The following IRAK1BP1 variants were observed in gnomAD, a reference collection of about 807,000 sequenced individuals.
The protein encoded by IRAK1BP1 is interleukin 1 receptor associated kinase 1 binding protein 1.
IRAK1BP1 carries 24 observed loss-of-function variants against 28.0 expected under a neutral mutation model. The ratio of observed to expected loss-of-function variants is 0.86; its 90% CI spans 0.62 to 1.20. The LOEUF is 1.20. Ranked by LOEUF, IRAK1BP1 falls within the 50% of genes most tolerant of loss-of-function variation. The pLI is 0.00. For missense variants in IRAK1BP1, 336 were observed against 316.7 expected (o/e 1.06, Z -0.46); for synonymous variants, 131 against 116.3 (o/e 1.13, Z -0.81).
chr6:78,955,412 A>T, the IRAK1BP1 span: 1 of 665,788 alleles, frequency 1.5e-6, no homozygotes, highest in Non-Finnish European at 2.4e-6. Flanking sequence ...CACTTTATTG[A>T]CTCATTAAAA....
At chr6:78,888,515 C>G (rs1401965929) in intron 2 of IRAK1BP1, among the ~76,000 whole-genome samples, 1 of 138,050 alleles carries the variant, frequency 7.2e-6, no homozygotes, top group Admixed American at 7.8e-5. Context: ...CTCAGTACAG[C>G]TCCAATTTTT....
chr6:78,894,137 G>A (rs1201915368), intron 2 of IRAK1BP1, among the ~76,000 whole-genome samples: 1 of 151,726 alleles, frequency 6.6e-6, no homozygotes, highest in Non-Finnish European at 1.5e-5. Context: ...ATGGAGTTAC[G>A]GCTAATAAGT....
intron 2 of IRAK1BP1, among the ~76,000 whole-genome samples, chr6:78,897,374 C>A (rs958864408): frequency 2.6e-5 from 4 of 151,050 alleles, no homozygotes; most frequent in Middle Eastern, 3.5e-3. Flanking sequence ...AGGCAGAAGA[C>A]AGAGTGAAAT....
chr6:78,932,458 G>A (rs148735508), intron 4 of IRAK1BP1, among the ~76,000 whole-genome samples: 5 of 90,062 alleles, frequency 5.6e-5, no homozygotes, highest in Middle Eastern at 0.01. Flanking sequence ...TTTCGCTGTT[G>A]TTGCCCAGGC....
chr6:78,948,829 AT>A (rs1265566101), downstream of IRAK1BP1, among the ~76,000 whole-genome samples: 1 of 152,042 alleles, frequency 6.6e-6, no homozygotes, highest in Non-Finnish European at 1.5e-5. Flanking sequence ...ATGCGACTAT[AT>A]TTTTTGAAGT....
At chr6:78,885,323 A>G in intron 1 of IRAK1BP1, 55 bp from the exon 2 acceptor site, 2 of 949,450 alleles carry the variant, frequency 2.1e-6, no homozygotes, top group Non-Finnish European at 3.3e-6. Flanking sequence ...TTTATGTTTT[A>G]GAGTAATTGC....
downstream of IRAK1BP1, among the ~76,000 whole-genome samples, chr6:78,947,951 T>TC (rs11370597): frequency 0.33 from 49,684 of 150,740 alleles, 9,496 homozygotes; most frequent in East Asian, 0.69. Flanking sequence ...TATTTCATAC[T>TC]CCCCCCCCTT....
At chr6:78,970,846 C>T in the IRAK1BP1 span, 1 of 1,611,018 alleles carries the variant, frequency 6.2e-7, no homozygotes, top group East Asian at 2.2e-5. Context: ...TTTTTCCGGG[C>T]CATTTCGACA....
chr6:78,891,678 T>C (rs540876750), intron 2 of IRAK1BP1, among the ~76,000 whole-genome samples: 1 of 152,158 alleles, frequency 6.6e-6, no homozygotes, highest in Non-Finnish European at 1.5e-5. Context: ...GCCGGGCTGG[T>C]CTCGAACTCC....
At chr6:78,979,082 A>G in the IRAK1BP1 span, among the ~76,000 whole-genome samples, 2 of 151,934 alleles carry the variant, frequency 1.3e-5, no homozygotes, top group Non-Finnish European at 2.9e-5. Flanking sequence ...CAAATACTAT[A>G]TGCCATTTTT....
chr6:78,917,632 T>TAAAAAAAA (rs35313944), intron 4 of IRAK1BP1, among the ~76,000 whole-genome samples: 21 of 63,562 alleles, frequency 3.3e-4, no homozygotes, highest in African/African-American at 6.5e-4. Flanking sequence ...AAGTCAACAC[T>TAAAAAAAA]AAAAAAAAAA....
downstream of IRAK1BP1, among the ~76,000 whole-genome samples, chr6:78,905,685 T>G (rs1229084533): frequency 6.6e-6 from 1 of 152,204 alleles, no homozygotes; most frequent in East Asian, 1.9e-4. Context: ...CACTGCAACC[T>G]CCGCCTCCTG....
chr6:78,904,313 T>C (rs887392571), downstream of IRAK1BP1, among the ~76,000 whole-genome samples: 3 of 152,206 alleles, frequency 2.0e-5, no homozygotes, highest in Admixed American at 2.0e-4. Flanking sequence ...TTGGATCAGC[T>C]ATAAGTGTGT....
rs183983194 is a variant in IRAK1BP1, at chr6:78,902,631, C to T, written c.*4297C>T. 6 of 177,942 alleles carry T rather than the reference C, an allele frequency of 3.4e-5. No individual in the cohort carries two copies. The highest frequency in any genetic ancestry group is 1.8e-4 in the Admixed American group (3 of 16,514). 11.0% of individuals were successfully genotyped at this position (177,942 alleles called of 1,614,324 possible). ...TCTAAAAATACAGAAGTTACTCAGGCGTGGTGGCGTGTGACTGTAATCTCA... is the reference window on the plus strand; with the variant it reads ...TCTAAAAATACAGAAGTTACTCAGGTGTGGTGGCGTGTGACTGTAATCTCA... On this transcript the variant is annotated 3_prime_UTR_variant, in exon 4 of 4. Coordinates refer to ENST00000369940, the MANE Select transcript of IRAK1BP1 (RefSeq NM_001010844.4).
At chr6:78,959,608 C>T in the IRAK1BP1 span, among the ~76,000 whole-genome samples, 1 of 152,076 alleles carries the variant, frequency 6.6e-6, no homozygotes, top group Non-Finnish European at 1.5e-5. Flanking sequence ...GAATGTAATA[C>T]ATTGAAGTCA....
chr6:78,969,883 C>T, the IRAK1BP1 span: 1 of 1,600,560 alleles, frequency 6.2e-7, no homozygotes, highest in Non-Finnish European at 8.5e-7. Context: ...TGTCTCAAGA[C>T]TAGGAAATCT....
At chr6:78,911,161 C>A (rs893656903) in intron 4 of IRAK1BP1, among the ~76,000 whole-genome samples, 1 of 152,086 alleles carries the variant, frequency 6.6e-6, no homozygotes, top group Non-Finnish European at 1.5e-5. Flanking sequence ...CCATTCCTAT[C>A]GCGACTGCTT....
chr6:78,965,824 A>G, the IRAK1BP1 span: 2 of 1,188,050 alleles, frequency 1.7e-6, no homozygotes, highest in Admixed American at 1.9e-5. Flanking sequence ...CAATTTTAAT[A>G]AAATCAATTA....
At chr6:78,924,104 C>T (rs555402258) in intron 4 of IRAK1BP1, among the ~76,000 whole-genome samples, 4 of 152,094 alleles carry the variant, frequency 2.6e-5, no homozygotes, top group Non-Finnish European at 5.9e-5. Flanking sequence ...CACAAAAAAC[C>T]CTTCAAAAAA....
Sources: gnomAD v4.1 joint callset for allele counts (sites outside exome capture counted in the v4.1 genomes callset) on GRCh38, gnomAD v4.1.1 for gene constraint, MANE v1.5 for transcripts, NCBI Gene and HGNC (gene_info 2026-07-23, HGNC 2026-07-21) for gene names.